The following KCNK10 variants were observed in gnomAD, a reference collection of about 807,000 sequenced individuals.
KCNK10 encodes the protein potassium channel subfamily K member 10.
KCNK10 carries 25 observed loss-of-function variants against 47.7 expected under a neutral mutation model. The observed-to-expected ratio is 0.52, with a 90% CI of 0.38 to 0.73. The LOEUF (loss-of-function observed/expected upper bound fraction) is 0.73. Among genes scored for constraint, KCNK10 ranks in the 30% least tolerant of loss-of-function variants. The pLI is 0.00. For missense variants in KCNK10, 563 were observed against 714.5 expected (o/e 0.79, Z 2.42); for synonymous variants, 303 against 285.6 (o/e 1.06, Z -0.61).
At chr14:88,324,258 C>T (rs960044729), upstream of KCNK10, among the ~76,000 whole-genome samples, 4 of 152,192 alleles carry the variant, frequency 2.6e-5, no homozygotes, top group African/African-American at 9.6e-5. Context: ...TGCTTGAAGC[C>T]CCACAGGGGT....
chr14:88,202,082 G>A (rs746524782), intron 4 of KCNK10, among the ~76,000 whole-genome samples: 35 of 152,194 alleles, frequency 2.3e-4, no homozygotes, highest in Non-Finnish European at 4.8e-4. Flanking sequence ...TCTTCTCAGA[G>A]GACCAGAAAC....
At chr14:88,324,951 C>A (rs778548750), upstream of KCNK10, among the ~76,000 whole-genome samples, 1 of 152,184 alleles carries the variant, frequency 6.6e-6, no homozygotes, top group Non-Finnish European at 1.5e-5. Flanking sequence ...TCTCTGCAAA[C>A]CCCGTTCAGG....
At chr14:88,187,468 G>A (rs1884603583) in intron 6 of KCNK10, among the ~76,000 whole-genome samples, 1 of 152,026 alleles carries the variant, frequency 6.6e-6, no homozygotes, top group Admixed American at 6.6e-5. Context: ...CTCTATGGAT[G>A]TGACAACCAA....
chr14:88,250,796 C>T (rs747023889), intron 2 of KCNK10, among the ~76,000 whole-genome samples: 25 of 152,070 alleles, frequency 1.6e-4, no homozygotes, highest in Non-Finnish European at 3.5e-4. Context: ...GAGGCTGAGA[C>T]AGAAAAATCA....
At chr14:88,257,843 A>G (rs1321746029) in intron 2 of KCNK10, among the ~76,000 whole-genome samples, 1 of 152,154 alleles carries the variant, frequency 6.6e-6, no homozygotes, top group Non-Finnish European at 1.5e-5. Context: ...ATTGGCTTAC[A>G]TGCCTCTTCC....
At chr14:88,253,999 G>GGA (rs141220872) in intron 2 of KCNK10, among the ~76,000 whole-genome samples, 6 of 151,316 alleles carry the variant, frequency 4.0e-5, no homozygotes, top group African/African-American at 7.3e-5. Flanking sequence ...AGGGTGAGGG[G>GGA]GAGAGAGAGA....
intron 3 of KCNK10, among the ~76,000 whole-genome samples, chr14:88,238,005 T>C (rs747398666): frequency 5.9e-5 from 9 of 152,262 alleles, no homozygotes; most frequent in Admixed American, 3.3e-4. Flanking sequence ...TTGTCTATAA[T>C]GAAAATCTGT....
At position 88,227,548 on chromosome 14, in the gene KCNK10, A is replaced by G; in HGVS notation, c.521-13T>C. On this transcript the variant is annotated splice_polypyrimidine_tract_variant and intron_variant, in intron 3 of 6. Transcript: ENST00000319231. The stretch of plus-strand genomic sequence containing the variant: ...ATATTCCCATACCCTGGTGAGAAAT[A>G]TGAAAAAGAGGGAGAGTGGCAGAGA... The G allele has an allele frequency of 3.2e-6, 5 of 1,577,502 alleles. No individual in the cohort carries two copies. The highest frequency in any genetic ancestry group is 4.3e-6 in the Non-Finnish European group (5 of 1,167,124).
chr14:88,316,593 T>A (rs1234839053), intron 1 of KCNK10, among the ~76,000 whole-genome samples: 1 of 152,212 alleles, frequency 6.6e-6, no homozygotes, highest in African/African-American at 2.4e-5. Flanking sequence ...TCTGTAAACA[T>A]GCCATGCAGA....
At position 88,187,959 on chromosome 14, in the gene KCNK10, G is replaced by A. The variant is rs1191019391; in HGVS notation, c.1011+8C>T. Reference sequence around the variant, plus strand: ...AGGAACATTCATAGGGTTAGGAAGGGGTCCTACCTCTTCTTTTGTCTTTTT... The same window carrying A: ...AGGAACATTCATAGGGTTAGGAAGGAGTCCTACCTCTTCTTTTGTCTTTTT... On this transcript the variant is annotated splice_region_variant and intron_variant, in intron 6 of 6. Transcript: ENST00000319231. The A allele has an allele frequency of 6.8e-6, 11 of 1,613,788 alleles. No homozygotes were observed. Among genetic ancestry groups the A allele is most frequent in the Non-Finnish European group, 9.3e-6 (11 of 1,179,966 alleles).
chr14:88,229,959 A>T (rs1940538), intron 3 of KCNK10, among the ~76,000 whole-genome samples: 43,566 of 151,532 alleles, frequency 0.29, 6,837 homozygotes, highest in East Asian at 0.46. Context: ...AGAACTAGAG[A>T]CTACACAGAT....
At chr14:88,215,806 A>G (rs570170932) in intron 4 of KCNK10, among the ~76,000 whole-genome samples, 1 of 152,310 alleles carries the variant, frequency 6.6e-6, no homozygotes, top group South Asian at 2.1e-4. Flanking sequence ...AAATGTTTAA[A>G]TGATAAACGC....
At position 88,180,422 on chromosome 14, in the gene KCNK10, G is replaced by A; in HGVS notation, c.*5113C>T. 5.7e-6 allele frequency: 1 copy of A among 175,672 alleles called. No individual in the cohort carries two copies. The highest frequency in any genetic ancestry group is 1.2e-5 in the Non-Finnish European group (1 of 83,868). The allele number at this position is 175,672 out of a possible 1,614,324, so 10.9% of individuals were successfully genotyped here. ...GGAAGGAGGCCAGAGGCTGGCATGTGAGGTGGTTTGCATATCACTTCTAGG... is the reference window on the plus strand; with the variant it reads ...GGAAGGAGGCCAGAGGCTGGCATGTAAGGTGGTTTGCATATCACTTCTAGG... On this transcript the variant is annotated 3_prime_UTR_variant, in exon 7 of 7. Coordinates refer to ENST00000319231, the MANE Select transcript of KCNK10 (RefSeq NM_138317.3).
chr14:88,324,198 C>T (rs189928763), upstream of KCNK10, among the ~76,000 whole-genome samples: 3 of 152,246 alleles, frequency 2.0e-5, no homozygotes, highest in African/African-American at 7.2e-5. Flanking sequence ...GACCTGTTCC[C>T]GGAAAGGGGC....
chr14:88,196,084 G>A (rs934544299), intron 4 of KCNK10, among the ~76,000 whole-genome samples: 1 of 152,198 alleles, frequency 6.6e-6, no homozygotes, highest in African/African-American at 2.4e-5. Flanking sequence ...TGTCTAAATC[G>A]TGTTTTCACA....
chr14:88,263,017 C>G (rs932125947), intron 2 of KCNK10, among the ~76,000 whole-genome samples, 185 bp downstream of exon 2: 1 of 152,132 alleles, frequency 6.6e-6, no homozygotes, highest in South Asian at 2.1e-4. Flanking sequence ...CTCCTTCCCC[C>G]ACACTGTCAC....
At chr14:88,190,400 A>G (rs781557942) in intron 5 of KCNK10, among the ~76,000 whole-genome samples, 2 of 152,204 alleles carry the variant, frequency 1.3e-5, no homozygotes, top group Non-Finnish European at 2.9e-5. Flanking sequence ...AACACCACTG[A>G]GTTTTCCCAC....
intron 4 of KCNK10, among the ~76,000 whole-genome samples, chr14:88,207,206 T>G (rs1029461759): frequency 2.1e-5 from 3 of 144,968 alleles, no homozygotes; most frequent in African/African-American, 7.9e-5. Context: ...AGATTCTCAC[T>G]TTGTCGCCCA....
chr14:88,255,531 C>A (rs368679934), intron 2 of KCNK10, among the ~76,000 whole-genome samples: 37 of 140,034 alleles, frequency 2.6e-4, no homozygotes, highest in East Asian at 4.2e-4. Context: ...CTGTCTCTAC[C>A]AAAAAAAAAA....
Sources: gnomAD v4.1 joint callset for allele counts (sites outside exome capture counted in the v4.1 genomes callset) on GRCh38, gnomAD v4.1.1 for gene constraint, MANE v1.5 for transcripts, NCBI Gene and HGNC (gene_info 2026-07-23, HGNC 2026-07-21) for gene names.